Variants in FBXL7 observed in about 807,000 individuals in gnomAD.
FBXL7 encodes the protein F-box and leucine rich repeat protein 7.
In FBXL7, 12 loss-of-function variants were observed where a neutral mutation model predicts 38.3. The observed-to-expected ratio is 0.31, with a 90% CI of 0.20 to 0.51. FBXL7 has a LOEUF of 0.51. Among genes scored for constraint, FBXL7 ranks in the 20% least tolerant of loss-of-function variants. The pLI is 0.98. For missense variants in FBXL7, 567 were observed against 676.4 expected (o/e 0.84, Z 1.79); for synonymous variants, 297 against 300.9 (o/e 0.99, Z 0.13).
intron 1 of FBXL7, among the ~76,000 whole-genome samples, chr5:15,505,288 T>C (rs1431673423): frequency 4.6e-5 from 7 of 152,212 alleles, no homozygotes; most frequent in Admixed American, 4.6e-4. Flanking sequence ...CACATTTTAC[T>C]AATGAGGAAA....
chr5:15,803,217 C>A (rs1045159080), intron 2 of FBXL7, among the ~76,000 whole-genome samples: 1 of 152,080 alleles, frequency 6.6e-6, no homozygotes, highest in Non-Finnish European at 1.5e-5. Context: ...ATAAGTATAA[C>A]CTTGACCCCC....
In FBXL7 at chr5:15,692,584, G is replaced by A. The variant is rs137973267; in HGVS notation, c.127+76512G>A. Among the ~76,000 whole-genome samples, 659 of 152,214 alleles carry A rather than the reference G, an allele frequency of 4.3e-3. 3 individuals carry two copies. Among genetic ancestry groups the A allele is most frequent in the African/African-American group, 0.015 (631 of 41,500 alleles). On this transcript the variant is annotated intron_variant, in intron 2 of 3. Transcript: ENST00000504595. ...TAAACTTTCCTATCCCCTTTATTCT[G>A]ATGATAGAGTTTTTACCCCTGGCCA...
chr5:15,739,011 C>T (rs766094477), intron 2 of FBXL7, among the ~76,000 whole-genome samples: 4 of 152,198 alleles, frequency 2.6e-5, no homozygotes, highest in African/African-American at 9.7e-5. Context: ...TGAAAGTACA[C>T]GTTCATTTCA....
intron 2 of FBXL7, among the ~76,000 whole-genome samples, chr5:15,911,558 T>G (rs1322633608): frequency 8.6e-6 from 1 of 116,466 alleles, no homozygotes; most frequent in African/African-American, 5.1e-5. Context: ...CTTTGTTCTG[T>G]TGCTGGTGAG....
chr5:15,697,680 C>A (rs905770017), intron 2 of FBXL7, among the ~76,000 whole-genome samples: 1 of 152,072 alleles, frequency 6.6e-6, no homozygotes, highest in African/African-American at 2.4e-5. Context: ...CACAAGGCTT[C>A]ATTGAGCTAT....
intron 2 of FBXL7, among the ~76,000 whole-genome samples, chr5:15,751,525 G>T (rs1300218758): frequency 1.3e-5 from 2 of 152,158 alleles, no homozygotes; most frequent in African/African-American, 4.8e-5. Context: ...TAAGGATTTT[G>T]ATATCTTCTC....
intron 1 of FBXL7, among the ~76,000 whole-genome samples, chr5:15,572,587 G>C (rs1738827463): frequency 6.6e-6 from 1 of 152,220 alleles, no homozygotes; most frequent in South Asian, 2.1e-4. Flanking sequence ...TCTAGATTGT[G>C]GACCAGCAGG....
intron 2 of FBXL7, among the ~76,000 whole-genome samples, chr5:15,848,325 C>T (rs1216580306): frequency 1.3e-5 from 2 of 151,970 alleles, no homozygotes; most frequent in East Asian, 1.9e-4. Context: ...CACAATATGG[C>T]AGACACAACA....
intron 1 of FBXL7, among the ~76,000 whole-genome samples, chr5:15,551,497 G>T (rs537497670): frequency 2.0e-5 from 3 of 152,320 alleles, no homozygotes; most frequent in African/African-American, 7.2e-5. Context: ...TTTCAGACTT[G>T]CAAGGGATTG....
intron 2 of FBXL7, among the ~76,000 whole-genome samples, chr5:15,851,967 A>C (rs966020742): frequency 6.6e-6 from 1 of 152,112 alleles, no homozygotes; most frequent in South Asian, 2.1e-4. Context: ...AAAATATAAT[A>C]AAGGTATATC....
At chr5:15,554,325 A>T (rs1057184824) in intron 1 of FBXL7, among the ~76,000 whole-genome samples, 1 of 152,118 alleles carries the variant, frequency 6.6e-6, no homozygotes, top group Non-Finnish European at 1.5e-5. Flanking sequence ...ATTCAAGCAG[A>T]TCCCTGTCTA....
chr5:15,570,514 C>T (rs1017945091), intron 1 of FBXL7, among the ~76,000 whole-genome samples: 1 of 152,076 alleles, frequency 6.6e-6, no homozygotes, highest in South Asian at 2.1e-4. Context: ...GTCTTGCTGT[C>T]TCTTTCTTCT....
intron 2 of FBXL7, among the ~76,000 whole-genome samples, chr5:15,626,543 C>CCT (rs1491396969): frequency 2.9e-5 from 3 of 103,580 alleles, no homozygotes; most frequent in Non-Finnish European, 2.2e-5. Context: ...AAATTCGTTT[C>CCT]CTGTGTGTGT....
chr5:15,691,329 A>G (rs576034496), intron 2 of FBXL7, among the ~76,000 whole-genome samples: 37 of 152,334 alleles, frequency 2.4e-4, no homozygotes, highest in African/African-American at 7.9e-4. Context: ...TGTTTCATGT[A>G]ATTGCATCCA....
chr5:15,828,985 T>G (rs1027992578), intron 2 of FBXL7, among the ~76,000 whole-genome samples: 6 of 152,216 alleles, frequency 3.9e-5, no homozygotes, highest in African/African-American at 1.4e-4. Context: ...ATTAAATAGC[T>G]GAAGTGAAGC....
intron 2 of FBXL7, among the ~76,000 whole-genome samples, chr5:15,712,740 G>A (rs1347540239): frequency 1.3e-5 from 2 of 152,160 alleles, no homozygotes; most frequent in East Asian, 3.9e-4. Context: ...GGAGGACAGA[G>A]AGGAAGTCTA....
chr5:15,802,318 C>G (rs189288380), intron 2 of FBXL7, among the ~76,000 whole-genome samples: 2 of 152,170 alleles, frequency 1.3e-5, no homozygotes, highest in African/African-American at 2.4e-5. Context: ...AAAATTCAGT[C>G]AAATTAAGGT....
chr5:15,733,981 C>A (rs572768959), intron 2 of FBXL7, among the ~76,000 whole-genome samples: 1 of 152,212 alleles, frequency 6.6e-6, no homozygotes, highest in East Asian at 1.9e-4. Context: ...GTGGCATGTG[C>A]CTGTAATCGC....
chr5:15,738,703 C>T (rs567801968), intron 2 of FBXL7, among the ~76,000 whole-genome samples: 57 of 152,166 alleles, frequency 3.7e-4, no homozygotes, highest in Non-Finnish European at 5.6e-4. Context: ...CTGAGGAGTC[C>T]CCTACAGATC....
Sources: allele counts gnomAD v4.1 joint callset (sites outside exome capture counted in the v4.1 genomes callset), GRCh38; gene constraint gnomAD v4.1.1; transcripts MANE v1.5; gene names NCBI Gene and HGNC (gene_info 2026-07-23, HGNC 2026-07-21).